FREM3: variants seen among roughly 807,000 people sequenced by gnomAD.
FREM3 encodes FRAS1 related extracellular matrix 3, also known as FRAS1-related extracellular matrix protein 3.
FREM3 carries 105 observed loss-of-function variants against 129.1 expected under a neutral mutation model. The ratio of observed to expected loss-of-function variants is 0.81; its 90% CI spans 0.69 to 0.96. FREM3 has a LOEUF of 0.96. Among genes scored for constraint, FREM3 ranks in the 40% least tolerant of loss-of-function variants. FREM3 has a pLI of 0.00. For synonymous variants in FREM3, 1,014 were observed against 1,044.9 expected (o/e 0.97, Z 0.57); for missense variants, 2,593 against 2,666.3 (o/e 0.97, Z 0.61).
At chr4:143,638,619 A>G (rs1739272403) in intron 2 of FREM3, among the ~76,000 whole-genome samples, 1 of 152,090 alleles carries the variant, frequency 6.6e-6, no homozygotes, top group African/African-American at 2.4e-5. Context: ...TCTCCTTTTG[A>G]ATCTCACTCT....
chr4:143,694,209 T>C (rs1379544657), intron 1 of FREM3, among the ~76,000 whole-genome samples: 1 of 152,232 alleles, frequency 6.6e-6, no homozygotes, highest in Non-Finnish European at 1.5e-5. Context: ...CTCTGGGTGC[T>C]GAAGCCCAGC....
At chr4:143,678,681 T>G (rs983237401) in intron 2 of FREM3, among the ~76,000 whole-genome samples, 1 of 152,094 alleles carries the variant, frequency 6.6e-6, no homozygotes, top group African/African-American at 2.4e-5. Flanking sequence ...AGTATGCAAG[T>G]ATGTACCACA....
At chr4:143,659,788 A>T (rs1235212794) in intron 2 of FREM3, among the ~76,000 whole-genome samples, 2 of 150,964 alleles carry the variant, frequency 1.3e-5, no homozygotes, top group African/African-American at 4.9e-5. Flanking sequence ...CTGGTGTGAG[A>T]TGGTATCTCA....
chr4:143,601,323 T>C (rs971582044), intron 6 of FREM3, among the ~76,000 whole-genome samples: 2 of 152,218 alleles, frequency 1.3e-5, no homozygotes, highest in Non-Finnish European at 2.9e-5. Flanking sequence ...AACATTCTGT[T>C]AGATGCCCAT....
At chr4:143,577,960 C>T (rs1738069558) in intron 7 of FREM3, 108 bp from the exon 8 acceptor site, 2 of 1,172,806 alleles carry the variant, frequency 1.7e-6, no homozygotes, top group African/African-American at 3.1e-5. Flanking sequence ...CCTTTGTACC[C>T]AACACTCTCA....
intron 2 of FREM3, among the ~76,000 whole-genome samples, chr4:143,671,952 G>A (rs1252603435): frequency 1.3e-5 from 2 of 152,134 alleles, no homozygotes; most frequent in African/African-American, 4.8e-5. Flanking sequence ...AAGCACTGGG[G>A]ATGGATGTAC....
intron 6 of FREM3, among the ~76,000 whole-genome samples, chr4:143,593,848 G>A (rs1738414385): frequency 1.3e-5 from 2 of 152,226 alleles, no homozygotes; most frequent in Admixed American, 1.3e-4. Context: ...GTCTACAGAG[G>A]CAGGCAGGCC....
At chr4:143,671,337 A>T (rs1739961200) in intron 2 of FREM3, among the ~76,000 whole-genome samples, 1 of 152,182 alleles carries the variant, frequency 6.6e-6, no homozygotes, top group Non-Finnish European at 1.5e-5. Context: ...ACAGCCCAAG[A>T]TATAATTCTA....
intron 2 of FREM3, among the ~76,000 whole-genome samples, chr4:143,632,205 CA>C (rs35349605): frequency 6.6e-6 from 1 of 151,912 alleles, no homozygotes; most frequent in East Asian, 1.9e-4. Flanking sequence ...ACAGTGAAAT[CA>C]AAAAAATCCT....
At chr4:143,658,483 T>C (rs1421114757) in intron 2 of FREM3, among the ~76,000 whole-genome samples, 1 of 152,134 alleles carries the variant, frequency 6.6e-6, no homozygotes, top group Non-Finnish European at 1.5e-5. Flanking sequence ...AGCCATCTAA[T>C]TTATGGTGTT....
intron 2 of FREM3, among the ~76,000 whole-genome samples, chr4:143,641,522 G>A (rs1001969916): frequency 1.3e-5 from 2 of 152,148 alleles, no homozygotes; most frequent in African/African-American, 2.4e-5. Flanking sequence ...GCGAGGAAAG[G>A]TTGGAAGTTA....
intron 2 of FREM3, among the ~76,000 whole-genome samples, chr4:143,652,414 G>A (rs1179653692): frequency 5.1e-5 from 2 of 39,348 alleles, no homozygotes; most frequent in African/African-American, 1.1e-4. Context: ...CACCCGCCTC[G>A]GCCTCCCAAA....
At chr4:143,648,326 T>G (rs746916701) in intron 2 of FREM3, among the ~76,000 whole-genome samples, 5 of 152,190 alleles carry the variant, frequency 3.3e-5, no homozygotes, top group Admixed American at 3.3e-4. Flanking sequence ...GACTTTTGGG[T>G]TAATTCTGGA....
chr4:143,591,601 G>C (rs1578824505), intron 6 of FREM3, among the ~76,000 whole-genome samples: 1 of 152,182 alleles, frequency 6.6e-6, no homozygotes, highest in African/African-American at 2.4e-5. Context: ...TGTGGTCTGA[G>C]AGACAGTTTG....
chr4:143,675,838 C>T (rs537780311), intron 2 of FREM3, among the ~76,000 whole-genome samples: 2 of 152,020 alleles, frequency 1.3e-5, no homozygotes, highest in Admixed American at 1.3e-4. Flanking sequence ...AAGACTAAAC[C>T]AGGAAGAAGT....
At chr4:143,695,437 AT>A (rs1361878882) in intron 1 of FREM3, 53 bp downstream of exon 1, 2 of 1,402,330 alleles carry the variant, frequency 1.4e-6, no homozygotes, top group Non-Finnish European at 1.9e-6. Flanking sequence ...AAGCTGAGAG[AT>A]CTGATCCAAT....
chr4:143,695,622 C>T lies in FREM3; in HGVS notation c.5054G>A (p.Ser1685Asn), dbSNP rs1302147243. Reference sequence around the variant, plus strand: ...CTGATCTTCTGCCTTCAGAGACTTGCTGGTAATCAGGAAGCCCATGTGTCC... The same window carrying T: ...CTGATCTTCTGCCTTCAGAGACTTGTTGGTAATCAGGAAGCCCATGTGTCC... ...HTGHMGFLIT[S>N]KSLKAEDQDS... The change falls in exon 1 of 8, where the codon AGC (serine) becomes AAC (asparagine). Residue 1685 changes from serine (S) to asparagine (N), a missense_variant. Coordinates refer to ENST00000329798, the MANE Select transcript of FREM3 (RefSeq NM_001168235.2). The T allele has an allele frequency of 6.5e-7, 1 of 1,537,306 alleles. No homozygotes were observed. The highest frequency in any genetic ancestry group is 8.7e-7 in the Non-Finnish European group (1 of 1,146,926).
chr4:143,594,416 A>T (rs949043043), intron 6 of FREM3, among the ~76,000 whole-genome samples: 1 of 152,172 alleles, frequency 6.6e-6, no homozygotes, highest in African/African-American at 2.4e-5. Context: ...ACTGTTCTCA[A>T]GGTCAGGCAC....
chr4:143,589,707 T>A (rs76819060), intron 6 of FREM3, among the ~76,000 whole-genome samples: 8,826 of 152,244 alleles, frequency 0.058, 309 homozygotes, highest in East Asian at 0.11. Flanking sequence ...TGGCTTAGGA[T>A]TGACTTGGCG....
Sources: gnomAD v4.1 joint callset for allele counts (sites outside exome capture counted in the v4.1 genomes callset) on GRCh38, gnomAD v4.1.1 for gene constraint, MANE v1.5 for transcripts, NCBI Gene and HGNC (gene_info 2026-07-23, HGNC 2026-07-21) for gene names.